Variants in CAMTA1 observed in about 807,000 individuals in gnomAD.
CAMTA1 encodes the protein calmodulin-binding transcription activator 1.
In CAMTA1, 27 loss-of-function variants were observed where a neutral mutation model predicts 170.9. The observed-to-expected ratio is 0.16, with a 90% CI of 0.12 to 0.22. The LOEUF is 0.22. Among genes scored for constraint, CAMTA1 ranks in the 10% least tolerant of loss-of-function variants. The probability of loss-of-function intolerance (pLI) is 1.00; values close to 1 mark genes in which losing one functional copy is unlikely to be tolerated. For synonymous variants in CAMTA1, 833 were observed against 891.5 expected, an observed-to-expected ratio of 0.93 and a Z score of 1.17; for missense variants, 1,619 against 2,217.2, an observed-to-expected ratio of 0.73 and a Z score of 5.42.
intron 4 of CAMTA1, among the ~76,000 whole-genome samples, chr1:7,230,574 GGCAGAGTGGCT>G (rs1662591866): frequency 6.6e-6 from 1 of 152,162 alleles, no homozygotes; most frequent in African/African-American, 2.4e-5. Context: ...TGTTAGTCCT[GGCAGAGTGGCT>G]GCAGTTGGCT....
intron 3 of CAMTA1, among the ~76,000 whole-genome samples, chr1:7,029,151 C>T (rs1702432605): frequency 6.6e-6 from 1 of 152,110 alleles, no homozygotes; most frequent in Non-Finnish European, 1.5e-5. Context: ...TGAATATGGG[C>T]GTAATGCATG....
chr1:7,330,182 C>T (rs2082936753), intron 5 of CAMTA1, among the ~76,000 whole-genome samples: 3 of 152,190 alleles, frequency 2.0e-5, no homozygotes. Flanking sequence ...AGGCTGAAAT[C>T]CAGGCTCTGC....
At chr1:7,127,648 T>G (rs939830046) in intron 4 of CAMTA1, among the ~76,000 whole-genome samples, 13 of 152,208 alleles carry the variant, frequency 8.5e-5, no homozygotes, top group Admixed American at 2.6e-4. Flanking sequence ...GCAGGCACGA[T>G]GCTTGTCCAT....
At chr1:7,188,085 G>A (rs1219010888) in intron 4 of CAMTA1, among the ~76,000 whole-genome samples, 3 of 152,136 alleles carry the variant, frequency 2.0e-5, no homozygotes, top group African/African-American at 4.8e-5. Context: ...GGGCAAGAGG[G>A]GAACTACCAA....
At chr1:6,968,033 C>T (rs189281667) in intron 3 of CAMTA1, among the ~76,000 whole-genome samples, 44 of 152,308 alleles carry the variant, frequency 2.9e-4, no homozygotes, top group Admixed American at 1.8e-3. Flanking sequence ...CGAAGAACAT[C>T]GATAAATTGC....
intron 6 of CAMTA1, among the ~76,000 whole-genome samples, chr1:7,601,177 TC>T (rs2095438714): frequency 8.3e-6 from 1 of 120,150 alleles, no homozygotes; most frequent in Non-Finnish European, 1.9e-5. Flanking sequence ...CCCACCTCCC[TC>T]CCGGACGGGG....
Position 7,092,707 on chromosome 1 carries a change from T to G in CAMTA1, c.302+1336T>G, listed in dbSNP as rs1641634345. Among the ~76,000 whole-genome samples, 1 of 152,266 alleles carries G rather than the reference T, an allele frequency of 6.6e-6. No individual in the cohort carries two copies. The highest frequency in any genetic ancestry group is 2.4e-5 in the African/African-American group (1 of 41,476). On this transcript the variant is annotated intron_variant, in intron 4 of 22. Coordinates refer to ENST00000303635, the MANE Select transcript of CAMTA1 (RefSeq NM_015215.4). This position sits in a 1 kb window ranked among gnomAD's most constrained non-coding sequence, Gnocchi z 5.0. Reference sequence around the variant, plus strand: ...AGAAACGACCTGCAAGCTTAGTGACTTTAAACAACAAATCTTTATTTTCTG... The same window carrying G: ...AGAAACGACCTGCAAGCTTAGTGACGTTAAACAACAAATCTTTATTTTCTG...
chr1:6,936,219 C>T (rs1005279239), intron 3 of CAMTA1, among the ~76,000 whole-genome samples: 2 of 152,158 alleles, frequency 1.3e-5, no homozygotes, highest in East Asian at 1.9e-4. Flanking sequence ...GTGTTGTTTT[C>T]GACAAAAGTA....
chr1:6,995,774 G>A (rs1697163044), intron 3 of CAMTA1, among the ~76,000 whole-genome samples: 1 of 152,042 alleles, frequency 6.6e-6, no homozygotes, highest in African/African-American at 2.4e-5. Context: ...CACCAGGAGT[G>A]GTCAGAGGTG....
At chr1:6,940,910 G>GGAGGGGGGTCCT (rs1283289921) in intron 3 of CAMTA1, among the ~76,000 whole-genome samples, 1 of 100,158 alleles carries the variant, frequency 1.0e-5, no homozygotes, top group Non-Finnish European at 2.2e-5. Flanking sequence ...GTGCTCACAG[G>GGAGGGGGGTCCT]CAGGGGATCC....
At chr1:6,873,253 A>ATT (rs111838038) in intron 3 of CAMTA1, among the ~76,000 whole-genome samples, 8 of 145,078 alleles carry the variant, frequency 5.5e-5, no homozygotes, top group African/African-American at 1.8e-4. Context: ...TTTTAAGGTG[A>ATT]TTTTTTTTTT....
At chr1:7,430,859 T>A (rs543629131) in intron 5 of CAMTA1, among the ~76,000 whole-genome samples, 3 of 152,248 alleles carry the variant, frequency 2.0e-5, no homozygotes, top group Admixed American at 6.5e-5. Flanking sequence ...GTCTCATGCA[T>A]CCCTTTGACA....
intron 5 of CAMTA1, among the ~76,000 whole-genome samples, chr1:7,392,113 C>T (rs148259837): frequency 2.4e-4 from 36 of 152,272 alleles, no homozygotes; most frequent in Non-Finnish European, 4.3e-4. Flanking sequence ...ACTTTGCATT[C>T]CCATCAGGAA....
intron 3 of CAMTA1, among the ~76,000 whole-genome samples, chr1:6,937,428 CAT>C: frequency 6.6e-6 from 1 of 151,780 alleles, no homozygotes; most frequent in African/African-American, 2.4e-5. Context: ...CCACTACCAT[CAT>C]CACCATCATC....
chr1:7,359,410 C>T (rs2085373006), intron 5 of CAMTA1, among the ~76,000 whole-genome samples: 1 of 152,220 alleles, frequency 6.6e-6, no homozygotes, highest in Non-Finnish European at 1.5e-5. Flanking sequence ...CTCCCCACCC[C>T]CTGGTTTTCT....
Position 7,623,503 on chromosome 1 carries a change from A to G in CAMTA1, c.511-16897A>G, listed in dbSNP as rs527958330. ...ACTGAGTCCTTTCTCCTAGAAATGA[A>G]GGAAACACAAAGAAGTCACTAAGAA... is the stretch of plus-strand genomic sequence containing the variant. On this transcript the variant is annotated intron_variant, in intron 6 of 22. Transcript: ENST00000303635. Among the ~76,000 whole-genome samples the G allele has an allele frequency of 7.9e-5, 12 of 152,316 alleles. No individual in the cohort carries two copies. The South Asian group carries it at 2.3e-3, about 29-fold the overall frequency.
At chr1:7,114,398 A>T (rs975939426) in intron 4 of CAMTA1, among the ~76,000 whole-genome samples, 1 of 152,014 alleles carries the variant, frequency 6.6e-6, no homozygotes, top group African/African-American at 2.4e-5. Context: ...GAAGAAGAAG[A>T]ACTGTCTTGG....
chr1:7,608,577 G>T (rs2095502579), intron 6 of CAMTA1, among the ~76,000 whole-genome samples: 1 of 152,160 alleles, frequency 6.6e-6, no homozygotes, highest in African/African-American at 2.4e-5. Flanking sequence ...TCCATGAGAG[G>T]CTGATGGCAG....
intron 3 of CAMTA1, among the ~76,000 whole-genome samples, chr1:6,903,353 T>C (rs551559616): frequency 6.6e-6 from 1 of 152,350 alleles, no homozygotes; most frequent in Admixed American, 6.5e-5. Flanking sequence ...TTAAAACTCA[T>C]CCAGCAGATG....
Sources: gnomAD v4.1 joint callset for allele counts (sites outside exome capture counted in the v4.1 genomes callset) on GRCh38, gnomAD v4.1.1 for gene constraint, Gnocchi (gnomAD v3.1) non-coding constraint, MANE v1.5 for transcripts, NCBI Gene and HGNC (gene_info 2026-07-23, HGNC 2026-07-21) for gene names.